The following PDE10A variants were observed in gnomAD, a reference collection of about 807,000 sequenced individuals.
The protein encoded by PDE10A is cAMP and cAMP-inhibited cGMP 3',5'-cyclic phosphodiesterase 10A.
PDE10A carries 39 observed loss-of-function variants against 97.7 expected under a neutral mutation model. The ratio of observed to expected loss-of-function variants is 0.40; its 90% CI spans 0.31 to 0.52. The LOEUF is 0.52. PDE10A is among the 20% of genes least tolerant of loss of function. PDE10A has a pLI of 0.56. For missense variants in PDE10A, 731 were observed against 1,047.8 expected (o/e 0.70, Z 4.17); for synonymous variants, 371 against 376.8 (o/e 0.98, Z 0.18).
intron 1 of PDE10A, among the ~76,000 whole-genome samples, chr6:165,710,122 T>G (rs889535830): frequency 6.6e-6 from 1 of 152,098 alleles, no homozygotes; most frequent in African/African-American, 2.4e-5. Flanking sequence ...TGCAGGCTCC[T>G]ATTTCTAACA....
chr6:165,975,357 G>C (rs1784818169), intron 1 of PDE10A, among the ~76,000 whole-genome samples: 1 of 152,188 alleles, frequency 6.6e-6, no homozygotes, highest in Non-Finnish European at 1.5e-5. Context: ...TGTAATCCCA[G>C]CATTTTGGGA....
upstream of PDE10A, among the ~76,000 whole-genome samples, chr6:165,666,941 C>T (rs1790513097): frequency 6.6e-6 from 1 of 152,224 alleles, no homozygotes; most frequent in Non-Finnish European, 1.5e-5. Flanking sequence ...TCAATAATTG[C>T]TGGCCTTCCT....
intron 1 of PDE10A, among the ~76,000 whole-genome samples, chr6:165,936,013 G>A (rs1783313763): frequency 6.6e-6 from 1 of 152,242 alleles, no homozygotes; most frequent in Non-Finnish European, 1.5e-5. Flanking sequence ...TCATTTGGAT[G>A]TAGGTGATGC....
At chr6:165,534,619 T>A (rs893704555) in intron 2 of PDE10A, among the ~76,000 whole-genome samples, 1 of 152,004 alleles carries the variant, frequency 6.6e-6, no homozygotes, top group African/African-American at 2.4e-5. Context: ...GGGATTCATA[T>A]CTAAACATGT....
intron 1 of PDE10A, among the ~76,000 whole-genome samples, chr6:165,652,206 T>A (rs1039909036): frequency 6.6e-6 from 1 of 152,188 alleles, no homozygotes; most frequent in Non-Finnish European, 1.5e-5. Context: ...ACCAATACAA[T>A]ATGTAATTAG....
intron 1 of PDE10A, among the ~76,000 whole-genome samples, chr6:165,977,358 C>T (rs1194245280): frequency 3.9e-5 from 6 of 152,204 alleles, no homozygotes; most frequent in African/African-American, 1.4e-4. Context: ...ACCCACACTA[C>T]CAGCAAACTG....
chr6:165,797,541 A>G (rs1033762301), intron 1 of PDE10A, among the ~76,000 whole-genome samples: 5 of 152,208 alleles, frequency 3.3e-5, no homozygotes, highest in Admixed American at 3.3e-4. Context: ...GTCATTTCAA[A>G]TAGTGGAGCA....
At chr6:165,830,602 C>T (rs935703419) in intron 1 of PDE10A, among the ~76,000 whole-genome samples, 2 of 152,112 alleles carry the variant, frequency 1.3e-5, no homozygotes, top group African/African-American at 4.8e-5. Context: ...CAAGACCAGA[C>T]GCTGAAACGC....
intron 1 of PDE10A, among the ~76,000 whole-genome samples, chr6:165,983,629 T>C (rs1785087576): frequency 6.6e-6 from 1 of 152,208 alleles, no homozygotes. Context: ...CTCTCAATGG[T>C]TGAAATGAGC....
At chr6:165,980,959 G>A (rs572390208) in intron 1 of PDE10A, among the ~76,000 whole-genome samples, 1 of 152,142 alleles carries the variant, frequency 6.6e-6, no homozygotes, top group Admixed American at 6.5e-5. Context: ...CCTGAGAAAC[G>A]TTTGTTCCAT....
chr6:165,953,714 C>A (rs967492943), intron 1 of PDE10A, among the ~76,000 whole-genome samples: 3 of 152,186 alleles, frequency 2.0e-5, no homozygotes, highest in Non-Finnish European at 4.4e-5. Flanking sequence ...ACTAGTGTGG[C>A]ATATCTGTTA....
chr6:165,937,841 T>G (rs145111426), intron 1 of PDE10A, among the ~76,000 whole-genome samples: 57 of 152,302 alleles, frequency 3.7e-4, no homozygotes, highest in African/African-American at 1.3e-3. Context: ...AAACTGACCT[T>G]CTAATAAATG....
intron 18 of PDE10A, among the ~76,000 whole-genome samples, chr6:165,348,497 A>T (rs1368323327): frequency 1.3e-5 from 2 of 152,264 alleles, no homozygotes; most frequent in African/African-American, 4.8e-5. Flanking sequence ...GCTTGAGTTC[A>T]GAGCTGGTTT....
At chr6:165,972,013 A>G (rs1273994416) in intron 1 of PDE10A, among the ~76,000 whole-genome samples, 1 of 152,168 alleles carries the variant, frequency 6.6e-6, no homozygotes, top group Admixed American at 6.5e-5. Flanking sequence ...CATAAATAAC[A>G]GAGGCTGCAG....
chr6:165,586,378 T>C (rs1043911785), intron 1 of PDE10A, among the ~76,000 whole-genome samples: 1 of 152,208 alleles, frequency 6.6e-6, no homozygotes, highest in Non-Finnish European at 1.5e-5. Flanking sequence ...TGAATTCTTA[T>C]TCAGACACCA....
intron 1 of PDE10A, among the ~76,000 whole-genome samples, chr6:165,727,545 C>A (rs1397226916): frequency 1.3e-5 from 2 of 152,168 alleles, no homozygotes; most frequent in African/African-American, 2.4e-5. Flanking sequence ...TGACATAGAG[C>A]CCAGGAGAGG....
chr6:165,390,797 G>C (rs1273557605), intron 16 of PDE10A, among the ~76,000 whole-genome samples: 1 of 152,144 alleles, frequency 6.6e-6, no homozygotes, highest in African/African-American at 2.4e-5. Context: ...TGATAATGCT[G>C]AACTGGTTTT....
intron 10 of PDE10A, among the ~76,000 whole-genome samples, chr6:165,421,701 TTC>T (rs1477791517): frequency 3.3e-5 from 5 of 152,218 alleles, no homozygotes; most frequent in Non-Finnish European, 7.3e-5. Context: ...GATAAAATTT[TTC>T]TTGTTTGAGG....
At chr6:165,403,818 C>T (rs934056878) in intron 13 of PDE10A, among the ~76,000 whole-genome samples, 3 of 152,154 alleles carry the variant, frequency 2.0e-5, no homozygotes, top group African/African-American at 4.8e-5. Context: ...GTGAGTCAGA[C>T]GTGTGATATT....
Sources: gnomAD v4.1 joint callset for allele counts (sites outside exome capture counted in the v4.1 genomes callset) on GRCh38, gnomAD v4.1.1 for gene constraint, MANE v1.5 for transcripts, NCBI Gene and HGNC (gene_info 2026-07-23, HGNC 2026-07-21) for gene names.